The following TMCC2 variants were observed in gnomAD, a reference collection of about 807,000 sequenced individuals.
TMCC2 encodes the protein transmembrane and coiled-coil domains protein 2.
A neutral mutation model predicts 49.4 loss-of-function variants in TMCC2; 16 were observed. That is an observed-to-expected ratio of 0.32 (90% CI 0.22 to 0.49). The LOEUF (loss-of-function observed/expected upper bound fraction) is 0.49. Among genes scored for constraint, TMCC2 ranks in the 20% least tolerant of loss-of-function variants. TMCC2 has a pLI of 0.99. For synonymous variants in TMCC2, 397 were observed against 434.1 expected (o/e 0.91, Z 1.06); for missense variants, 762 against 989.8 (o/e 0.77, Z 3.09).
At position 205,241,930 on chromosome 1, in the gene TMCC2, G is replaced by GC; in HGVS notation, c.634dup (p.His212ProfsTer30). The GC allele has an allele frequency of 6.2e-7, 1 of 1,611,148 alleles. No homozygotes were observed. The highest frequency in any genetic ancestry group is 8.5e-7 in the Non-Finnish European group (1 of 1,179,728). On this transcript the variant is annotated frameshift_variant, in exon 2 of 5. Coordinates refer to ENST00000358024, the MANE Select transcript of TMCC2 (RefSeq NM_014858.4). LOFTEE classifies it high-confidence loss of function. The surrounding 1 kb of genome is among the most constrained non-coding windows in gnomAD (Gnocchi z 7.3). The stretch of plus-strand genomic sequence containing the variant: ...AGGACAGCAGCCTGGCCGCCATCCT[G>GC]CACCAGCACCAGTGCCGTCCCCGCT...
chr1:205,272,014 AC>A lies in TMCC2; in HGVS notation c.2021del (p.Thr674AsnfsTer89). On this transcript the variant is annotated frameshift_variant, in exon 5 of 5. Coordinates refer to ENST00000358024, the MANE Select transcript of TMCC2 (RefSeq NM_014858.4). LOFTEE classifies it high-confidence loss of function. The part of the protein sequence containing the change: ...IANFITPLMK[T>X]RLRITSTTLL... ...CAACTTCATCACGCCCCTCATGAAG[AC>A]ACGCCTGCGCATCACCAGCACCACC... 1 of 1,614,112 alleles carries A rather than the reference AC, an allele frequency of 6.2e-7. No homozygotes were observed. Among genetic ancestry groups the A allele is most frequent in the Non-Finnish European group, 8.5e-7 (1 of 1,180,002 alleles).
At position 205,272,016 on chromosome 1, in the gene TMCC2, A is replaced by G. The variant is rs145534927; in HGVS notation, c.2022A>G (p.Thr674=). 42 of 1,614,114 alleles carry G rather than the reference A, an allele frequency of 2.6e-5. No individual in the cohort carries two copies. The African/African-American group carries it at 5.2e-4, about 20-fold the overall frequency. The change falls in exon 5 of 5, where the codon ACA becomes ACG. Residue 674 remains threonine (T), a synonymous_variant. Transcript: ENST00000358024. ...ACTTCATCACGCCCCTCATGAAGAC[A>G]CGCCTGCGCATCACCAGCACCACCC... ...IANFITPLMK[T]RLRITSTTLL...
In TMCC2 at chr1:205,271,464, A is replaced by G. The variant is rs114742890; in HGVS notation, c.1818+209A>G. On this transcript the variant is annotated intron_variant, in intron 4 of 4. Coordinates refer to ENST00000358024, the MANE Select transcript of TMCC2 (RefSeq NM_014858.4). Reference sequence around the variant, plus strand: ...GAGGCTGACAGCGTGCACTGTGCAGAGGCAAGCCCACAGGGCAGAGGCCAC... The same window carrying G: ...GAGGCTGACAGCGTGCACTGTGCAGGGGCAAGCCCACAGGGCAGAGGCCAC... 777 of 796,114 alleles carry G rather than the reference A, an allele frequency of 9.8e-4. 8 individuals are homozygous for G. In the African/African-American group the frequency reaches 0.012, roughly 12 times the overall value. 49.3% of individuals were successfully genotyped at this position (796,114 alleles called of 1,614,324 possible).
chr1:205,234,717 T>TG (rs1659964004), intron 1 of TMCC2, among the ~76,000 whole-genome samples: 1 of 151,872 alleles, frequency 6.6e-6, no homozygotes, highest in South Asian at 2.1e-4. Flanking sequence ...TGGAGTGCAG[T>TG]GGCGCAATCT....
intron 2 of TMCC2, among the ~76,000 whole-genome samples, chr1:205,255,986 A>ATGTG (rs1366012560): frequency 9.2e-5 from 14 of 152,290 alleles, no homozygotes; most frequent in African/African-American, 3.1e-4. Context: ...ACAAACCCCA[A>ATGTG]GTCATCAGCC....
chr1:205,244,388 C>T (rs1242977663), intron 2 of TMCC2, among the ~76,000 whole-genome samples: 2 of 152,170 alleles, frequency 1.3e-5, no homozygotes, highest in Non-Finnish European at 2.9e-5. Context: ...AGAGTCACCT[C>T]TGGGAGGCAG....
intron 1 of TMCC2, among the ~76,000 whole-genome samples, chr1:205,230,959 TC>T (rs1321360897): frequency 1.5e-5 from 2 of 133,936 alleles, no homozygotes; most frequent in Non-Finnish European, 3.2e-5. Flanking sequence ...AAAGGAGGCT[TC>T]CCCTTACCCC....
chr1:205,244,632 T>TGGTCCTAGCCAGAGGGTAGGAACAGA (rs1660389888), intron 2 of TMCC2, among the ~76,000 whole-genome samples: 1 of 152,138 alleles, frequency 6.6e-6, no homozygotes, highest in African/African-American at 2.4e-5. Flanking sequence ...TTCTCTCTAG[T>TGGTCCTAGCCAGAGGGTAGGAACAGA]GGTCCTAGCC....
intron 2 of TMCC2, among the ~76,000 whole-genome samples, chr1:205,255,038 C>A (rs1660808484): frequency 6.6e-6 from 1 of 151,824 alleles, no homozygotes; most frequent in Admixed American, 6.6e-5. Context: ...ATGGTGAAAC[C>A]CCATCTCTGC....
intron 2 of TMCC2, 145 bp from the exon 3 acceptor site, chr1:205,268,805 C>A: frequency 1.3e-6 from 1 of 745,470 alleles, no homozygotes; most frequent in Non-Finnish European, 2.2e-6. Flanking sequence ...AAGTGGCTGT[C>A]AGGGATACTG....
chr1:205,253,726 G>C (rs1382532657), intron 2 of TMCC2, among the ~76,000 whole-genome samples: 2 of 152,240 alleles, frequency 1.3e-5, no homozygotes, highest in African/African-American at 2.4e-5. Context: ...GCTTTTCCCA[G>C]GTGTGCCTGC....
At position 205,272,567 on chromosome 1, in the gene TMCC2, T is replaced by A; in HGVS notation, c.*443T>A. On this transcript the variant is annotated 3_prime_UTR_variant, in exon 5 of 5. Coordinates refer to ENST00000358024, the MANE Select transcript of TMCC2 (RefSeq NM_014858.4). ...GATGGTGAGGATGAAGGCTGGAGAGTGAGGGAGGAGGCTCTGCTGGCCGCA... is the reference window on the plus strand; with the variant it reads ...GATGGTGAGGATGAAGGCTGGAGAGAGAGGGAGGAGGCTCTGCTGGCCGCA... 5.6e-6 allele frequency: 1 copy of A among 178,642 alleles called. No homozygotes were observed. 11.1% of individuals were successfully genotyped at this position (178,642 alleles called of 1,614,324 possible). A position where few individuals can be genotyped will look rare whatever the true frequency, so the allele number is the denominator to read the frequency against.
chr1:205,256,375 G>T (rs1337062006), intron 2 of TMCC2: 2 of 1,550,928 alleles, frequency 1.3e-6, no homozygotes, highest in African/African-American at 1.4e-5. Flanking sequence ...AGAATTTCCT[G>T]CTGGCACTGT....
chr1:205,232,205 A>G (rs1659827012), intron 1 of TMCC2, among the ~76,000 whole-genome samples: 2 of 152,210 alleles, frequency 1.3e-5, no homozygotes, highest in African/African-American at 4.8e-5. Flanking sequence ...GTAGTTAAGC[A>G]GCAATTTTAA....
chr1:205,267,189 C>CA (rs1358165775), intron 2 of TMCC2, among the ~76,000 whole-genome samples: 2 of 152,172 alleles, frequency 1.3e-5, no homozygotes, highest in African/African-American at 4.8e-5. Context: ...ACAGCATCCC[C>CA]AGGGGGAAGT....
At chr1:205,229,106 T>G in intron 1 of TMCC2, 1 of 1,166,164 alleles carries the variant, frequency 8.6e-7, no homozygotes, top group Admixed American at 3.9e-5. Flanking sequence ...GGACAGCAGG[T>G]GACCATTAGT....
chr1:205,241,978 T>G lies in TMCC2; in HGVS notation c.681T>G (p.Ala227=), dbSNP rs1249520427. The change falls in exon 2 of 5, where the codon GCT becomes GCG. Residue 227 remains alanine (A), a synonymous_variant. Transcript: ENST00000358024. This position sits in a 1 kb window ranked among gnomAD's most constrained non-coding sequence, Gnocchi z 7.3. ...RPRSSSTTDT[A]LLLADGSNVY... is the part of the protein sequence containing the mutation. ...GCTCTTCCTCCACCACCGACACTGC[T>G]CTGCTGCTGGCCGACGGCAGCAACG... 6.2e-7 allele frequency: 1 copy of G among 1,610,878 alleles called. No individual in the cohort carries two copies. Among genetic ancestry groups the G allele is most frequent in the Non-Finnish European group, 8.5e-7 (1 of 1,179,540 alleles).
chr1:205,262,792 TG>T (rs1349358062), intron 2 of TMCC2, among the ~76,000 whole-genome samples: 4 of 152,048 alleles, frequency 2.6e-5, no homozygotes, highest in African/African-American at 9.7e-5. Context: ...GCATCCCTGA[TG>T]GGTGGAGTTG....
intron 1 of TMCC2, among the ~76,000 whole-genome samples, chr1:205,238,213 G>A (rs1227982959): frequency 3.3e-5 from 5 of 151,960 alleles, no homozygotes; most frequent in South Asian, 4.2e-4. Flanking sequence ...TCTGAAACTT[G>A]TAGCTGGTTA....
Sources: gnomAD v4.1 joint callset for allele counts (sites outside exome capture counted in the v4.1 genomes callset) on GRCh38, gnomAD v4.1.1 for gene constraint, Gnocchi (gnomAD v3.1) non-coding constraint, MANE v1.5 for transcripts, NCBI Gene and HGNC (gene_info 2026-07-23, HGNC 2026-07-21) for gene names.